OSBP: variants seen among roughly 807,000 people sequenced by gnomAD.
OSBP encodes oxysterol-binding protein 1.
In OSBP, 32 loss-of-function variants were observed where a neutral mutation model predicts 96.6. The ratio of observed to expected loss-of-function variants is 0.33; its 90% CI spans 0.25 to 0.45. The LOEUF is 0.45. OSBP is among the 20% of genes least tolerant of loss of function. The pLI, the probability that OSBP is intolerant of heterozygous loss-of-function variation, is 1.00. For missense variants in OSBP, 653 were observed against 1,029.7 expected (o/e 0.63, Z 5.01); for synonymous variants, 369 against 389.6 (o/e 0.95, Z 0.62).
rs1860618739 is a variant in OSBP at position 59,594,118 on chromosome 11, G to A, written c.1449C>T (p.Ser483=). 1.2e-6 allele frequency: 2 copies of A among 1,614,142 alleles called. No homozygotes were observed. The highest frequency in any genetic ancestry group is 1.7e-5 in the Admixed American group (1 of 60,014). ...TGGTGCGGAAGACAGTAGTGGAGTA[G>A]GAGGACACGGTGAAAGCTGCAACAT... ...LCYVAAFTVS[S]YSTTVFRTSK... The change falls in exon 8 of 14, where the codon TCC becomes TCT. Residue 483 remains serine (S), a synonymous_variant. Transcript: ENST00000263847.
chr11:59,611,579 G>A (rs1428956720), intron 1 of OSBP, among the ~76,000 whole-genome samples: 1 of 152,176 alleles, frequency 6.6e-6, no homozygotes, highest in Non-Finnish European at 1.5e-5. Context: ...TGGTTCAAAT[G>A]ATATGAAATA....
chr11:59,610,718 C>A, intron 1 of OSBP, 129 bp from the exon 2 acceptor site: 1 of 710,828 alleles, frequency 1.4e-6, no homozygotes, highest in East Asian at 2.7e-5. Context: ...AGTTCTAGTC[C>A]CTCAAACGGG....
chr11:59,607,786 C>T (rs896174506), intron 3 of OSBP, among the ~76,000 whole-genome samples: 9 of 152,088 alleles, frequency 5.9e-5, no homozygotes, highest in Non-Finnish European at 1.0e-4. Flanking sequence ...AGTCTTGCAC[C>T]CAAGCAGCTA....
intron 9 of OSBP, among the ~76,000 whole-genome samples, chr11:59,583,351 T>C (rs1001454622): frequency 1.3e-4 from 20 of 152,068 alleles, no homozygotes; most frequent in Admixed American, 1.1e-3. Context: ...TCGATTTCAG[T>C]AAAAGTATAA....
chr11:59,587,736 A>G (rs1400874102), intron 9 of OSBP, among the ~76,000 whole-genome samples: 1 of 152,236 alleles, frequency 6.6e-6, no homozygotes, highest in Admixed American at 6.5e-5. Context: ...GTGGGAATGT[A>G]TAACCATTGT....
intron 11 of OSBP, among the ~76,000 whole-genome samples, chr11:59,578,667 G>A (rs1371546909): frequency 6.6e-6 from 1 of 152,168 alleles, no homozygotes; most frequent in East Asian, 1.9e-4. Context: ...GCCCAGGCAG[G>A]TCTTGAACTC....
At chr11:59,587,046 T>C (rs749824399) in intron 9 of OSBP, among the ~76,000 whole-genome samples, 1 of 152,028 alleles carries the variant, frequency 6.6e-6, no homozygotes, top group Admixed American at 6.6e-5. Flanking sequence ...TTAAAAAAAA[T>C]TTGTGCAATA....
intron 9 of OSBP, among the ~76,000 whole-genome samples, chr11:59,592,853 T>C (rs1431970231): frequency 6.6e-6 from 1 of 151,344 alleles, no homozygotes; most frequent in African/African-American, 2.4e-5. Flanking sequence ...TGGAGTGCAA[T>C]AGTGCAATCT....
At chr11:59,579,075 A>T (rs1177742090) in intron 11 of OSBP, among the ~76,000 whole-genome samples, 1 of 151,980 alleles carries the variant, frequency 6.6e-6, no homozygotes, top group Non-Finnish European at 1.5e-5. Flanking sequence ...CTTCCCAGGG[A>T]TTTTTGTATC....
rs570775727 is a variant in OSBP at position 59,600,403 on chromosome 11, C to T, written c.1311+93G>A. 3.0e-6 allele frequency: 4 copies of T among 1,331,608 alleles called. No homozygotes were observed. The East Asian group carries it at 7.0e-5, about 23-fold the overall frequency. 82.5% of individuals were successfully genotyped at this position (1,331,608 alleles called of 1,614,324 possible). A position where few individuals can be genotyped will look rare whatever the true frequency, so the allele number is the denominator to read the frequency against. On this transcript the variant is annotated intron_variant, in intron 7 of 13. Transcript: ENST00000263847. ...GTAAAAAAGACCATGCCACAAACTG[C>T]CGCACAAGTGGGTGGGGCTGTCATA...
At chr11:59,612,368 C>G (rs1378348182) in intron 1 of OSBP, among the ~76,000 whole-genome samples, 1 of 152,174 alleles carries the variant, frequency 6.6e-6, no homozygotes, top group African/African-American at 2.4e-5. Flanking sequence ...AGATGCACAG[C>G]TGACAGGCCA....
chr11:59,583,303 C>T (rs1162524233), intron 9 of OSBP, among the ~76,000 whole-genome samples: 2 of 152,024 alleles, frequency 1.3e-5, no homozygotes, highest in South Asian at 2.1e-4. Flanking sequence ...CAGAGCAAGT[C>T]GCTGTCTCAA....
chr11:59,610,357 AGGCAG>A lies in OSBP; in HGVS notation c.571+19_571+23del. 5 of 1,603,616 alleles carry A rather than the reference AGGCAG, an allele frequency of 3.1e-6. No individual in the cohort carries two copies. In the South Asian group the frequency reaches 4.4e-5, roughly 14 times the overall value. On this transcript the variant is annotated intron_variant, in intron 2 of 13. Transcript: ENST00000263847. ...AAAAGGGGCAAAAAGAAAGTTCCCC[AGGCAG>A]GTGTTCTTTGTTCCTGACCTGACTC... is the stretch of plus-strand genomic sequence containing the variant.
chr11:59,598,779 A>T (rs1860686632), intron 7 of OSBP, among the ~76,000 whole-genome samples: 6 of 152,166 alleles, frequency 3.9e-5, no homozygotes, highest in African/African-American at 1.2e-4. Context: ...TAGTAGAGAC[A>T]GGGTTTCACC....
chr11:59,582,584 G>A (rs1860434441), intron 9 of OSBP, among the ~76,000 whole-genome samples: 1 of 152,210 alleles, frequency 6.6e-6, no homozygotes. Flanking sequence ...TTCCTGAGTT[G>A]AGTCATTTTA....
At chr11:59,583,636 T>TG in intron 9 of OSBP, among the ~76,000 whole-genome samples, 2 of 116,276 alleles carry the variant, frequency 1.7e-5, no homozygotes, top group Admixed American at 1.7e-4. Flanking sequence ...AAATCTCTGT[T>TG]TTTTTTTTTT....
intron 9 of OSBP, among the ~76,000 whole-genome samples, chr11:59,587,098 T>G (rs1860508100): frequency 6.6e-6 from 1 of 151,940 alleles, no homozygotes; most frequent in African/African-American, 2.4e-5. Context: ...CTCTAGAAAT[T>G]GGAGAAAATA....
chr11:59,575,376 G>A lies in OSBP; in HGVS notation c.*1201C>T, dbSNP rs1860350068. 6.6e-6 allele frequency: 1 copy of A among 152,192 alleles called. No individual in the cohort carries two copies. Among genetic ancestry groups the A allele is most frequent in the East Asian group, 1.9e-4 (1 of 5,194 alleles). 9.4% of individuals were successfully genotyped at this position (152,192 alleles called of 1,614,324 possible). A position where few individuals can be genotyped will look rare whatever the true frequency, so the allele number is the denominator to read the frequency against. ...CCAGACATGATCCTGCTCAGGTTTTGAAATCTCTCTGCCCATAAAAGATGG... is the reference window on the plus strand; with the variant it reads ...CCAGACATGATCCTGCTCAGGTTTTAAAATCTCTCTGCCCATAAAAGATGG... On this transcript the variant is annotated 3_prime_UTR_variant, in exon 14 of 14. Transcript: ENST00000263847.
Position 59,615,612 on chromosome 11 carries a change from G to GC in OSBP, c.52dup (p.Ala18GlyfsTer147). The GC allele has an allele frequency of 7.3e-7, 1 of 1,379,108 alleles. No homozygotes were observed. The highest frequency in any genetic ancestry group is 9.4e-7 in the Non-Finnish European group (1 of 1,064,798). 85.4% of individuals were successfully genotyped at this position (1,379,108 alleles called of 1,614,324 possible). On this transcript the variant is annotated frameshift_variant, in exon 1 of 14. Coordinates refer to ENST00000263847, the MANE Select transcript of OSBP (RefSeq NM_002556.3). LOFTEE classifies it high-confidence loss of function. ...ACCGGCGCCGCCGCCGCCAAGTGCTGCAATGGCTGCCGGGCCTGGCCCCAC... is the reference window on the plus strand; with the variant it reads ...ACCGGCGCCGCCGCCGCCAAGTGCTGCCAATGGCTGCCGGGCCTGGCCCCAC...
Sources: allele counts gnomAD v4.1 joint callset (sites outside exome capture counted in the v4.1 genomes callset), GRCh38; gene constraint gnomAD v4.1.1; transcripts MANE v1.5; gene names NCBI Gene and HGNC (gene_info 2026-07-23, HGNC 2026-07-21).